THSD7B: variants seen among roughly 807,000 people sequenced by gnomAD.
THSD7B encodes the protein thrombospondin type-1 domain-containing protein 7B.
THSD7B carries 138 observed loss-of-function variants against 213.6 expected under a neutral mutation model. The ratio of observed to expected loss-of-function variants is 0.65; its 90% CI spans 0.56 to 0.74. The LOEUF is 0.74. Ranked by LOEUF, THSD7B falls within the 30% of genes least tolerant of loss-of-function variation. The probability of loss-of-function intolerance (pLI) is 0.00; values close to 1 mark genes in which losing one functional copy is unlikely to be tolerated. For missense variants in THSD7B, 1,931 were observed against 1,991.5 expected, an observed-to-expected ratio of 0.97 and a Z score of 0.58; for synonymous variants, 742 against 687.0, an observed-to-expected ratio of 1.08 and a Z score of -1.25.
intron 15 of THSD7B, among the ~76,000 whole-genome samples, chr2:137,526,113 G>A (rs1050945814): frequency 6.6e-6 from 1 of 151,952 alleles, no homozygotes; most frequent in Non-Finnish European, 1.5e-5. Flanking sequence ...TACTCTTACT[G>A]CTTGGAGAGA....
chr2:137,423,090 G>A (rs1686962716), intron 14 of THSD7B, among the ~76,000 whole-genome samples: 1 of 151,598 alleles, frequency 6.6e-6, no homozygotes, highest in Non-Finnish European at 1.5e-5. Context: ...CTAAACAAAT[G>A]GTTTTTAATT....
chr2:137,164,886 G>A (rs956881721), intron 6 of THSD7B, among the ~76,000 whole-genome samples: 3 of 152,158 alleles, frequency 2.0e-5, no homozygotes, highest in Admixed American at 6.5e-5. Context: ...GTCGTGGGGT[G>A]GGGGAGAGGG....
At chr2:137,482,429 C>T (rs577707173) in intron 15 of THSD7B, among the ~76,000 whole-genome samples, 2 of 152,252 alleles carry the variant, frequency 1.3e-5, no homozygotes, top group East Asian at 3.9e-4. Context: ...TTCTAATATA[C>T]TTATGTGCCC....
chr2:137,663,712 T>A (rs1329902518), intron 26 of THSD7B, 137 bp downstream of exon 26: 2 of 768,288 alleles, frequency 2.6e-6, no homozygotes, highest in East Asian at 2.7e-5. Context: ...TAATTCAGGG[T>A]TTCTCAGATT....
intron 15 of THSD7B, among the ~76,000 whole-genome samples, chr2:137,489,427 A>T (rs1394453927): frequency 6.6e-6 from 1 of 152,190 alleles, no homozygotes; most frequent in African/African-American, 2.4e-5. Context: ...TCTCAAAAAA[A>T]AAAGAAAAAA....
intron 20 of THSD7B, among the ~76,000 whole-genome samples, chr2:137,624,150 A>G (rs1238348550): frequency 4.6e-5 from 7 of 152,192 alleles, no homozygotes. Flanking sequence ...ATGGAACACA[A>G]CAGAGCCCTC....
At chr2:137,598,201 C>G (rs1022084399) in intron 17 of THSD7B, among the ~76,000 whole-genome samples, 1 of 152,144 alleles carries the variant, frequency 6.6e-6, no homozygotes, top group African/African-American at 2.4e-5. Context: ...AGAGGGGGAA[C>G]TAGACCAGTG....
At chr2:137,159,086 G>A (rs1393029749) in intron 5 of THSD7B, among the ~76,000 whole-genome samples, 1 of 152,008 alleles carries the variant, frequency 6.6e-6, no homozygotes, top group Admixed American at 6.6e-5. Flanking sequence ...TCTTCACAAG[G>A]ATTGGGATCT....
chr2:136,974,509 T>A (rs1685449672), intron 2 of THSD7B, among the ~76,000 whole-genome samples: 1 of 152,178 alleles, frequency 6.6e-6, no homozygotes, highest in South Asian at 2.1e-4. Context: ...TCCATCCATG[T>A]CCCTACAAAG....
chr2:137,026,444 C>T (rs1473870382), intron 2 of THSD7B, among the ~76,000 whole-genome samples: 5 of 152,154 alleles, frequency 3.3e-5, no homozygotes, highest in Non-Finnish European at 7.4e-5. Context: ...GCTTCTTGCT[C>T]GTAAAACTTT....
intron 14 of THSD7B, among the ~76,000 whole-genome samples, chr2:137,421,334 C>G (rs1686921614): frequency 6.6e-6 from 1 of 152,134 alleles, no homozygotes; most frequent in Non-Finnish European, 1.5e-5. Context: ...AACTGCCTCC[C>G]ATACCTCCAG....
At chr2:137,430,384 T>A (rs1171316721) in intron 14 of THSD7B, among the ~76,000 whole-genome samples, 1 of 152,234 alleles carries the variant, frequency 6.6e-6, no homozygotes, top group Non-Finnish European at 1.5e-5. Flanking sequence ...TGATATGGAC[T>A]GTCCTCTGAG....
intron 12 of THSD7B, among the ~76,000 whole-genome samples, chr2:137,301,087 T>C (rs1347189896): frequency 6.6e-6 from 1 of 152,118 alleles, no homozygotes; most frequent in Non-Finnish European, 1.5e-5. Context: ...CATAAAGCAA[T>C]ATAAAAACCT....
intron 21 of THSD7B, among the ~76,000 whole-genome samples, chr2:137,649,244 G>C (rs1683095055): frequency 6.6e-6 from 1 of 151,942 alleles, no homozygotes; most frequent in South Asian, 2.1e-4. Flanking sequence ...TTTGTTGATT[G>C]TTTGCTATGC....
chr2:137,367,885 A>C (rs150452523), intron 12 of THSD7B, among the ~76,000 whole-genome samples: 80 of 152,190 alleles, frequency 5.3e-4, no homozygotes, highest in African/African-American at 1.8e-3. Context: ...TCATGACCTA[A>C]TCTAACCTTA....
intron 2 of THSD7B, among the ~76,000 whole-genome samples, chr2:136,942,204 G>A (rs13401699): frequency 0.074 from 11,262 of 152,106 alleles, 669 homozygotes; most frequent in African/African-American, 0.16. Flanking sequence ...CCATTGGACT[G>A]TATCTCTGTT....
chr2:137,278,308 T>C (rs916792137), intron 12 of THSD7B, among the ~76,000 whole-genome samples: 9 of 152,114 alleles, frequency 5.9e-5, no homozygotes, highest in Admixed American at 1.3e-4. Flanking sequence ...GTAAACACCA[T>C]GATCTCTCAC....
intron 15 of THSD7B, among the ~76,000 whole-genome samples, chr2:137,500,788 A>G (rs1289094291): frequency 1.3e-5 from 2 of 152,170 alleles, no homozygotes; most frequent in Non-Finnish European, 2.9e-5. Context: ...GGGCATTTCT[A>G]TGCACATGAA....
At position 137,272,643 on chromosome 2, in the gene THSD7B, T is replaced by C. The variant is rs917055177; in HGVS notation, c.2377T>C (p.Ser793Pro). The change falls in exon 11 of 28, where the codon TCC (serine) becomes CCC (proline). Residue 793 changes from serine (S) to proline (P), a missense_variant. By Grantham distance (74) the Ser-to-Pro change is moderately conservative. Coordinates refer to ENST00000409968, the MANE Select transcript of THSD7B (RefSeq NM_001316349.2). ...LYEERECEDV[S>P]LCPVYRWKPQ... ...TGAGGAGAGAGAGTGTGAAGATGTT[T>C]CCTTGTGTCCTGTATATCGGCAAGT... 15 of 1,611,840 alleles carry C rather than the reference T, an allele frequency of 9.3e-6. No homozygotes were observed. Among genetic ancestry groups the C allele is most frequent in the African/African-American group, 1.3e-5 (1 of 74,836 alleles).
Sources: gnomAD v4.1 joint callset for allele counts (sites outside exome capture counted in the v4.1 genomes callset) on GRCh38, gnomAD v4.1.1 for gene constraint, MANE v1.5 for transcripts, NCBI Gene and HGNC (gene_info 2026-07-23, HGNC 2026-07-21) for gene names.